ICAM1: variants seen among roughly 807,000 people sequenced by gnomAD.
ICAM1 encodes the protein ICAM-1.
In ICAM1, 28 loss-of-function variants were observed where a neutral mutation model predicts 42.3. The observed-to-expected ratio is 0.66, with a 90% confidence interval of 0.49 to 0.91. The LOEUF is 0.91. ICAM1 is among the 40% of genes least tolerant of loss of function. ICAM1 has a pLI of 0.00. For missense variants in ICAM1, 637 were observed against 688.6 expected, an observed-to-expected ratio of 0.93 and a Z score of 0.84; for synonymous variants, 304 against 305.9, an observed-to-expected ratio of 0.99 and a Z score of 0.07.
intron 6 of ICAM1, 24 bp downstream of exon 6, chr19:10,285,052 T>C: frequency 6.2e-7 from 1 of 1,613,572 alleles, no homozygotes; most frequent in Non-Finnish European, 8.5e-7. Flanking sequence ...CGGGCAGAGC[T>C]GGGTGGGGGC....
intron 1 of ICAM1, among the ~76,000 whole-genome samples, 199 bp from the exon 2 acceptor site, chr19:10,274,566 T>TC (rs1224957602): frequency 6.6e-6 from 1 of 152,160 alleles, no homozygotes; most frequent in African/African-American, 2.4e-5. Context: ...CTGCCCGCCT[T>TC]GGCCTCCCAA....
chr19:10,281,855 C>T (rs954156443), intron 2 of ICAM1, among the ~76,000 whole-genome samples: 2 of 151,688 alleles, frequency 1.3e-5, no homozygotes, highest in Non-Finnish European at 2.9e-5. Context: ...ACAAGTAAAC[C>T]TCAGCCTCTC....
At chr19:10,276,075 T>C (rs2040014780) in intron 2 of ICAM1, among the ~76,000 whole-genome samples, 1 of 151,524 alleles carries the variant, frequency 6.6e-6, no homozygotes, top group South Asian at 2.1e-4. Context: ...GCACCTGTAA[T>C]CCCAGCTGCT....
chr19:10,273,764 A>T (rs1477470665), intron 1 of ICAM1, among the ~76,000 whole-genome samples: 1 of 152,008 alleles, frequency 6.6e-6, no homozygotes, highest in Non-Finnish European at 1.5e-5. Context: ...CTGTAATCCC[A>T]GCACTTTGGG....
chr19:10,274,022 A>T lies in ICAM1; in HGVS notation c.68-743A>T, dbSNP rs143016066. 4.6e-5 allele frequency among the ~76,000 whole-genome samples: 7 copies of T among 152,136 alleles called. No individual in the cohort carries two copies. The East Asian group carries it at 5.8e-4, about 13-fold the overall frequency. On this transcript the variant is annotated intron_variant, in intron 1 of 6. Transcript: ENST00000264832. ...AAGCGAGACTCCATCTCAAAAAAAA[A>T]AAAAATAAAAGAACACATCTTTAGC...
chr19:10,280,816 G>C (rs1196081073), intron 2 of ICAM1, among the ~76,000 whole-genome samples: 1 of 149,744 alleles, frequency 6.7e-6, no homozygotes, highest in African/African-American at 2.5e-5. Context: ...TGATCCACCT[G>C]CCTCGGCCTC....
Position 10,284,159 on chromosome 19 carries a change from G to A in ICAM1, c.764G>A (p.Gly255Glu). Residue 255 changes from glycine to glutamate, a missense_variant, in exon 4 of 7, where the codon GGG (glycine) becomes GAG (glutamate). By Grantham distance (98) the Gly-to-Glu change is moderately conservative. Transcript: ENST00000264832. This position sits in a 1 kb window ranked among gnomAD's most constrained non-coding sequence, Gnocchi z 5.4. ...GAGGCCCAGGTCCACCTGGCACTGG[G>A]GGACCAGAGGTTGAACCCCACAGTC... ...VSEAQVHLAL[G>E]DQRLNPTVTY... 6.2e-7 allele frequency: 1 copy of A among 1,614,078 alleles called. No homozygotes were observed. The highest frequency in any genetic ancestry group is 1.1e-5 in the South Asian group (1 of 91,076).
chr19:10,284,747 C>T lies in ICAM1; in HGVS notation c.1181-36C>T. ...AGGTCTTGCCTCCAAGTCCTGCCCCCACCCACCTCCATGTCATCTCATCGT... is the reference window on the plus strand; with the variant it reads ...AGGTCTTGCCTCCAAGTCCTGCCCCTACCCACCTCCATGTCATCTCATCGT... On this transcript the variant is annotated intron_variant, in intron 5 of 6. Transcript: ENST00000264832. This position sits in a 1 kb window ranked among gnomAD's most constrained non-coding sequence, Gnocchi z 5.4. The T allele has an allele frequency of 1.2e-6, 2 of 1,607,184 alleles. No individual in the cohort carries two copies. Among genetic ancestry groups the T allele is most frequent in the Non-Finnish European group, 1.7e-6 (2 of 1,178,124 alleles).
At chr19:10,278,546 G>GTTTTTTT (rs1192848785) in intron 2 of ICAM1, among the ~76,000 whole-genome samples, 20 of 82,438 alleles carry the variant, frequency 2.4e-4, no homozygotes, top group Non-Finnish European at 3.4e-4. Context: ...TGCCTGATAG[G>GTTTTTTT]TCTTTTTTTT....
Position 10,284,481 on chromosome 19 carries a change from A to G in ICAM1, c.1004A>G (p.His335Arg). 1 of 1,613,928 alleles carries G rather than the reference A, an allele frequency of 6.2e-7. No homozygotes were observed. The highest frequency in any genetic ancestry group is 8.5e-7 in the Non-Finnish European group (1 of 1,179,976). The part of the protein sequence containing the change: ...GTEVTVKCEA[H>R]PRAKVTLNGV... ...GAGGTGACAGTGAAGTGTGAGGCCCACCCTAGAGCCAAGGTGACGCTGAAT... is the reference window on the plus strand; with the variant it reads ...GAGGTGACAGTGAAGTGTGAGGCCCGCCCTAGAGCCAAGGTGACGCTGAAT... Residue 335 changes from histidine (H) to arginine (R), a missense_variant, in exon 5 of 7, where the codon CAC (histidine) becomes CGC (arginine). By Grantham distance (29) the His-to-Arg change is conservative (BLOSUM62 0). Coordinates refer to ENST00000264832, the MANE Select transcript of ICAM1 (RefSeq NM_000201.3). This position sits in a 1 kb window ranked among gnomAD's most constrained non-coding sequence, Gnocchi z 5.4.
At chr19:10,283,922 G>A (rs2064637487) in intron 3 of ICAM1, 111 bp from the exon 4 acceptor site, 1 of 1,460,548 alleles carries the variant, frequency 6.8e-7, no homozygotes, top group African/African-American at 1.4e-5. Context: ...ATGTGACCTA[G>A]GCTGCTGAGT....
intron 1 of ICAM1, 60 bp downstream of exon 1, chr19:10,271,286 C>T: frequency 6.7e-7 from 1 of 1,494,674 alleles, no homozygotes; most frequent in Non-Finnish European, 9.2e-7. Context: ...AGGACCGGCT[C>T]CCGGGTCAGG....
At chr19:10,271,280 C>G (rs2039978426) in intron 1 of ICAM1, 54 bp downstream of exon 1, 1 of 1,514,026 alleles carries the variant, frequency 6.6e-7, no homozygotes, top group African/African-American at 1.4e-5. Flanking sequence ...CCCGGGAGGA[C>G]CGGCTCCCGG....
intron 2 of ICAM1, among the ~76,000 whole-genome samples, chr19:10,276,359 C>G (rs2040016815): frequency 6.6e-6 from 1 of 150,702 alleles, no homozygotes; most frequent in African/African-American, 2.4e-5. Flanking sequence ...TCCTGGCTAA[C>G]ATGGTGAAAC....
At chr19:10,281,219 C>G (rs2040055754) in intron 2 of ICAM1, among the ~76,000 whole-genome samples, 1 of 150,336 alleles carries the variant, frequency 6.7e-6, no homozygotes, top group Non-Finnish European at 1.5e-5. Context: ...TCCATCTGTT[C>G]TGGCCTCCCA....
At chr19:10,283,336 A>G in intron 2 of ICAM1, 145 bp from the exon 3 acceptor site, 1 of 727,310 alleles carries the variant, frequency 1.4e-6, no homozygotes, top group Admixed American at 2.5e-5. Flanking sequence ...TTCACTGAAG[A>G]TCTTGACATT....
intron 1 of ICAM1, among the ~76,000 whole-genome samples, chr19:10,274,312 ATTTTT>A (rs34542691): frequency 7.4e-6 from 1 of 134,906 alleles, no homozygotes; most frequent in Non-Finnish European, 1.6e-5. Context: ...TTTGCTCATA[ATTTTT>A]TTTTTTTTTT....
chr19:10,274,601 CA>C (rs2040003807), intron 1 of ICAM1, among the ~76,000 whole-genome samples, 163 bp from the exon 2 acceptor site: 1 of 152,212 alleles, frequency 6.6e-6, no homozygotes. Flanking sequence ...AGGCGTGAGC[CA>C]CCACACCCGG....
At chr19:10,276,349 T>C (rs1291169932) in intron 2 of ICAM1, among the ~76,000 whole-genome samples, 1 of 148,828 alleles carries the variant, frequency 6.7e-6, no homozygotes, top group Non-Finnish European at 1.5e-5. Flanking sequence ...ATCGAGACCA[T>C]CCTGGCTAAC....
Sources: gnomAD v4.1 joint callset for allele counts (sites outside exome capture counted in the v4.1 genomes callset) on GRCh38, gnomAD v4.1.1 for gene constraint, Gnocchi (gnomAD v3.1) non-coding constraint, MANE v1.5 for transcripts, NCBI Gene and HGNC (gene_info 2026-07-23, HGNC 2026-07-21) for gene names.